EYA2: variants seen among roughly 807,000 people sequenced by gnomAD.
The protein encoded by EYA2 is protein phosphatase EYA2.
A neutral mutation model predicts 69.2 loss-of-function variants in EYA2; 31 were observed. The ratio of observed to expected loss-of-function variants is 0.45; its 90% confidence interval spans 0.34 to 0.60. EYA2 has a LOEUF of 0.60. Ranked by LOEUF, EYA2 falls within the 20% of genes least tolerant of loss-of-function variation. The pLI, the probability that EYA2 is intolerant of heterozygous loss-of-function variation, is 0.02. For missense variants in EYA2, 622 were observed against 701.2 expected (o/e 0.89, Z 1.28); for synonymous variants, 257 against 279.4 (o/e 0.92, Z 0.80).
intron 7 of EYA2, among the ~76,000 whole-genome samples, chr20:47,081,547 G>C (rs1247436616): frequency 6.6e-6 from 1 of 152,010 alleles, no homozygotes; most frequent in Admixed American, 6.6e-5. Flanking sequence ...GGGAGGCACA[G>C]GCACGTGGAG....
At chr20:46,979,099 C>T (rs2146309917) in intron 1 of EYA2, among the ~76,000 whole-genome samples, 1 of 152,330 alleles carries the variant, frequency 6.6e-6, no homozygotes, top group African/African-American at 2.4e-5. Context: ...AGCCGACTGG[C>T]CATCTGTCCT....
chr20:47,035,672 G>A (rs542421957), intron 5 of EYA2, among the ~76,000 whole-genome samples: 9 of 152,098 alleles, frequency 5.9e-5, no homozygotes, highest in South Asian at 2.1e-4. Context: ...AATCAGGGCC[G>A]CCATGAATTA....
intron 9 of EYA2, among the ~76,000 whole-genome samples, chr20:47,133,856 G>A (rs756288388): frequency 1.3e-5 from 2 of 152,130 alleles, no homozygotes; most frequent in Non-Finnish European, 2.9e-5. Flanking sequence ...ATAGGCATGC[G>A]ACACCTAAGT....
chr20:46,943,036 G>T (rs181427002), intron 1 of EYA2, among the ~76,000 whole-genome samples: 197 of 152,364 alleles, frequency 1.3e-3, no homozygotes, highest in African/African-American at 4.6e-3. Context: ...AAAGTGCTGG[G>T]ATTATGGGCG....
At chr20:47,179,755 C>G in intron 12 of EYA2, 43 bp from the exon 13 acceptor site, 1 of 1,424,354 alleles carries the variant, frequency 7.0e-7, no homozygotes, top group Non-Finnish European at 9.8e-7. Context: ...TCCCCCAGAT[C>G]TTTCTAATAC....
chr20:47,106,555 C>A (rs1006182966), intron 9 of EYA2, among the ~76,000 whole-genome samples: 11 of 152,084 alleles, frequency 7.2e-5, no homozygotes, highest in Admixed American at 2.6e-4. Context: ...ACCCACGAGT[C>A]CTCTGTCCAC....
rs576304762 is a variant in EYA2, at chr20:47,161,866, T to C, written c.979-7273T>C. 2.2e-4 allele frequency among the ~76,000 whole-genome samples: 34 copies of C among 152,354 alleles called. No homozygotes were observed. In the South Asian group the frequency reaches 7.0e-3, roughly 32 times the overall value. ...AAAGGAGATGGGTCCGGGTGCTGGCTCCTCTTCCCCTCGCCTTGGGCACAT... is the reference window on the plus strand; with the variant it reads ...AAAGGAGATGGGTCCGGGTGCTGGCCCCTCTTCCCCTCGCCTTGGGCACAT... On this transcript the variant is annotated intron_variant, in intron 10 of 15. Transcript: ENST00000327619.
At chr20:47,140,713 A>G (rs970860507) in intron 9 of EYA2, among the ~76,000 whole-genome samples, 1 of 152,186 alleles carries the variant, frequency 6.6e-6, no homozygotes, top group Non-Finnish European at 1.5e-5. Context: ...TTTCTCATCT[A>G]TAAAATGGGT....
intron 15 of EYA2, among the ~76,000 whole-genome samples, chr20:47,184,634 G>T (rs1489815007): frequency 6.6e-6 from 1 of 151,576 alleles, no homozygotes; most frequent in African/African-American, 2.4e-5. Context: ...TGTTGCCTGG[G>T]CTGGCCTCAA....
At chr20:47,078,479 C>T (rs1420581406) in intron 7 of EYA2, among the ~76,000 whole-genome samples, 5 of 152,226 alleles carry the variant, frequency 3.3e-5, no homozygotes, top group African/African-American at 1.2e-4. Context: ...ACAGACAGAT[C>T]ACACTCACTG....
intron 5 of EYA2, among the ~76,000 whole-genome samples, chr20:47,031,198 G>A (rs1054347621): frequency 2.0e-5 from 3 of 152,224 alleles, no homozygotes; most frequent in Non-Finnish European, 2.9e-5. Flanking sequence ...GGAAGTGACA[G>A]TGGAGCTGGC....
chr20:46,950,154 G>A (rs1391891234), intron 1 of EYA2, among the ~76,000 whole-genome samples: 1 of 152,126 alleles, frequency 6.6e-6, no homozygotes. Flanking sequence ...ACAGGGCAAG[G>A]GTTTCTCCCA....
chr20:47,000,645 G>A (rs996728513), intron 2 of EYA2, among the ~76,000 whole-genome samples: 2 of 152,078 alleles, frequency 1.3e-5, no homozygotes, highest in African/African-American at 2.4e-5. Flanking sequence ...AATTATCCCC[G>A]GGCAAACGTC....
intron 1 of EYA2, among the ~76,000 whole-genome samples, chr20:46,928,896 A>G (rs1191403559): frequency 1.3e-5 from 2 of 152,028 alleles, no homozygotes; most frequent in Non-Finnish European, 2.9e-5. Context: ...AGGGGCCTCT[A>G]CCTCTGAACT....
intron 4 of EYA2, among the ~76,000 whole-genome samples, chr20:47,006,714 A>T (rs1982738644): frequency 6.6e-6 from 1 of 152,092 alleles, no homozygotes; most frequent in African/African-American, 2.4e-5. Flanking sequence ...CTTCATGGAG[A>T]TTACTGCCTA....
chr20:47,094,196 G>A (rs2032178460), intron 8 of EYA2, among the ~76,000 whole-genome samples: 1 of 152,194 alleles, frequency 6.6e-6, no homozygotes, highest in South Asian at 2.1e-4. Flanking sequence ...AAGTAAGGGA[G>A]CCTGCACTAA....
rs576991860 is a variant in EYA2, at chr20:47,102,229, A to C, written c.888+5061A>C. Among the ~76,000 whole-genome samples, 5 of 152,300 alleles carry C rather than the reference A, an allele frequency of 3.3e-5. No homozygotes were observed. In the East Asian group the frequency reaches 9.7e-4, roughly 29 times the overall value. ...TTCTAGGCGTTAATGCCAATGTCCCAAACTGGGTCACATGCCCATCCATAT... is the reference window on the plus strand; with the variant it reads ...TTCTAGGCGTTAATGCCAATGTCCCCAACTGGGTCACATGCCCATCCATAT... On this transcript the variant is annotated intron_variant, in intron 9 of 15. Transcript: ENST00000327619.
chr20:47,068,753 T>C (rs919377757), intron 5 of EYA2, among the ~76,000 whole-genome samples: 2 of 152,224 alleles, frequency 1.3e-5, no homozygotes, highest in African/African-American at 2.4e-5. Flanking sequence ...ATTATCCTCT[T>C]ATCTTCTCCT....
At chr20:47,009,854 A>G (rs1204313540) in intron 4 of EYA2, among the ~76,000 whole-genome samples, 3 of 152,246 alleles carry the variant, frequency 2.0e-5, no homozygotes, top group African/African-American at 7.2e-5. Context: ...AATGTAGAGT[A>G]TTTTAAGCAT....
Sources: gnomAD v4.1 joint callset for allele counts (sites outside exome capture counted in the v4.1 genomes callset) on GRCh38, gnomAD v4.1.1 for gene constraint, MANE v1.5 for transcripts, NCBI Gene and HGNC (gene_info 2026-07-23, HGNC 2026-07-21) for gene names.